The following NDUFA10 variants were observed in gnomAD, a reference collection of about 807,000 sequenced individuals.
The protein encoded by NDUFA10 is NADH:ubiquinone oxidoreductase subunit A10, also known as NADH dehydrogenase [ubiquinone] 1 alpha subcomplex subunit 10, mitochondrial.
A neutral mutation model predicts 47.8 loss-of-function variants in NDUFA10; 40 were observed. The ratio of observed to expected loss-of-function variants is 0.84; its 90% CI spans 0.65 to 1.09. The LOEUF is 1.09. Ranked by LOEUF, NDUFA10 falls within the 50% of genes least tolerant of loss-of-function variation. The pLI is 0.00. For synonymous variants in NDUFA10, 183 were observed against 172.2 expected, an observed-to-expected ratio of 1.06 and a Z score of -0.49; for missense variants, 413 against 451.1, an observed-to-expected ratio of 0.92 and a Z score of 0.76.
chr2:239,988,635 G>A lies in NDUFA10; in HGVS notation c.999+1439C>T, dbSNP rs181336752. Among the ~76,000 whole-genome samples the A allele has an allele frequency of 1.2e-4, 18 of 152,300 alleles. 1 individual carries two copies. The highest frequency in any genetic ancestry group is 3.9e-4 in the Admixed American group (6 of 15,298). On this transcript the variant is annotated intron_variant, in intron 9 of 9. Coordinates refer to ENST00000252711, the MANE Select transcript of NDUFA10 (RefSeq NM_004544.4). ...AGCCTGGAGGTCAACAGGAAGAAGC[G>A]AAGCCACTTGTGAAACAGACGCAAC...
chr2:239,927,446 C>T (rs1390256094), intron 4 of NDUFA10, among the ~76,000 whole-genome samples: 2 of 152,118 alleles, frequency 1.3e-5, no homozygotes, highest in Non-Finnish European at 2.9e-5. Flanking sequence ...ATAAAGTCTG[C>T]AGCAGTGCAC....
rs1277774775 is a variant in NDUFA10 at position 239,945,575 on chromosome 2, G to A, written c.294+44499C>T. Among the ~76,000 whole-genome samples the A allele has an allele frequency of 1.3e-5, 2 of 152,158 alleles. No homozygotes were observed. Among genetic ancestry groups the A allele is most frequent in the African/African-American group, 2.4e-5 (1 of 41,448 alleles). On this transcript the variant is annotated intron_variant, in intron 4 of 5. Coordinates refer to the NDUFA10 transcript ENST00000419408. The surrounding 1 kb of genome is among the most constrained non-coding windows in gnomAD (Gnocchi z 4.6). ...CCAGGCTGGGAGGATCCTGGGGGCTGAGGCTCCCTCCAGGGAGGACTTGGC... is the reference window on the plus strand; with the variant it reads ...CCAGGCTGGGAGGATCCTGGGGGCTAAGGCTCCCTCCAGGGAGGACTTGGC...
chr2:239,997,443 G>A (rs936084913), intron 8 of NDUFA10, among the ~76,000 whole-genome samples: 3 of 152,164 alleles, frequency 2.0e-5, no homozygotes, highest in African/African-American at 7.2e-5. Flanking sequence ...TATCAGAATC[G>A]AAAGTTTTTG....
At chr2:239,934,596 T>C (rs1203374186) in intron 4 of NDUFA10, among the ~76,000 whole-genome samples, 2 of 152,196 alleles carry the variant, frequency 1.3e-5, no homozygotes, top group African/African-American at 4.8e-5. Flanking sequence ...CATTTATCCC[T>C]GTTTTGTACT....
At chr2:239,956,995 G>A (rs536404697), downstream of NDUFA10, among the ~76,000 whole-genome samples, 676 of 152,162 alleles carry the variant, frequency 4.4e-3, 2 homozygotes, top group Non-Finnish European at 7.2e-3. Flanking sequence ...TCCTTCCCTC[G>A]CCTCCCAGGC....
chr2:240,002,214 C>G (rs1343753205), intron 8 of NDUFA10, among the ~76,000 whole-genome samples: 2 of 151,652 alleles, frequency 1.3e-5, no homozygotes, highest in Non-Finnish European at 1.5e-5. Flanking sequence ...GCCTATAATC[C>G]CATCTACTCA....
chr2:239,905,028 T>A (rs1330169744), intron 4 of NDUFA10, among the ~76,000 whole-genome samples: 1 of 152,212 alleles, frequency 6.6e-6, no homozygotes, highest in Non-Finnish European at 1.5e-5. Context: ...TCAAAACCTT[T>A]AACTGAGCTA....
At chr2:239,942,615 G>A (rs144413136) in intron 4 of NDUFA10, among the ~76,000 whole-genome samples, 2 of 152,196 alleles carry the variant, frequency 1.3e-5, no homozygotes, top group African/African-American at 4.8e-5. Flanking sequence ...GCAAAGCACA[G>A]GAATATTTTT....
intron 9 of NDUFA10, among the ~76,000 whole-genome samples, chr2:239,980,410 C>A (rs908294929): frequency 2.6e-5 from 4 of 152,170 alleles, no homozygotes; most frequent in African/African-American, 4.8e-5. Context: ...AATTAAAAGG[C>A]AAGAATTCTT....
At chr2:239,957,370 A>G (rs1479088253), downstream of NDUFA10, 1 of 152,226 alleles carries the variant, frequency 6.6e-6, no homozygotes, top group Admixed American at 6.5e-5. Context: ...CACCAGGTAT[A>G]GTCTCATTAA....
intron 9 of NDUFA10, among the ~76,000 whole-genome samples, chr2:239,985,115 T>C (rs994957350): frequency 6.6e-6 from 1 of 152,046 alleles, no homozygotes; most frequent in African/African-American, 2.4e-5. Flanking sequence ...ATGACTGCCA[T>C]TGGAAAACAA....
At chr2:239,896,899 C>A (rs1231963289) in intron 4 of NDUFA10, among the ~76,000 whole-genome samples, 1 of 152,172 alleles carries the variant, frequency 6.6e-6, no homozygotes, top group Non-Finnish European at 1.5e-5. Flanking sequence ...AGAGGTTCAT[C>A]ATTTTATTCT....
chr2:239,956,332 G>A (rs1176380128), downstream of NDUFA10, among the ~76,000 whole-genome samples: 2 of 152,208 alleles, frequency 1.3e-5, no homozygotes, highest in Non-Finnish European at 2.9e-5. Context: ...CGTCACACAC[G>A]GGATGAGGCC....
chr2:239,949,490 A>G (rs1451923307), intron 4 of NDUFA10, among the ~76,000 whole-genome samples: 1 of 152,116 alleles, frequency 6.6e-6, no homozygotes, highest in Non-Finnish European at 1.5e-5. Context: ...GGAAGAAAGA[A>G]TTCCCACTCT....
chr2:239,958,970 T>C lies in NDUFA10; in HGVS notation c.*2148A>G. On this transcript the variant is annotated 3_prime_UTR_variant, in exon 10 of 10. Transcript: ENST00000252711. ...GTTGTTTTAGTTGTAAGAGCTTTCG[T>C]GAGACGAACGCATGTACTGCTCTGA... 1.0e-6 allele frequency: 1 copy of C among 985,454 alleles called. No homozygotes were observed. The highest frequency in any genetic ancestry group is 1.2e-6 in the Non-Finnish European group (1 of 829,948). 61.0% of individuals were successfully genotyped at this position (985,454 alleles called of 1,614,324 possible).
chr2:239,998,444 G>A (rs780970389), intron 8 of NDUFA10, among the ~76,000 whole-genome samples: 3 of 152,164 alleles, frequency 2.0e-5, no homozygotes, highest in Non-Finnish European at 4.4e-5. Context: ...CAGCTCTTGC[G>A]CTCTCAGAAA....
rs553811976 is a variant in NDUFA10, at chr2:239,913,633, C to T, written c.295-18319G>A. 3.3e-5 allele frequency among the ~76,000 whole-genome samples: 5 copies of T among 152,364 alleles called. No homozygotes were observed. The South Asian group carries it at 8.3e-4, about 25-fold the overall frequency. On this transcript the variant is annotated intron_variant, in intron 4 of 5. Transcript: ENST00000419408. ...GGCAGGGTCCTTTCCTGCATGTATG[C>T]GTCAGGCTCACGTCTGTGCAGGCCT...
In NDUFA10 at chr2:239,914,110, C is replaced by T. The variant is rs116406269; in HGVS notation, c.295-18796G>A. Reference sequence around the variant, plus strand: ...GGAGAAACGGAGTTCACAGGCAACACACACAGACACACACAAATATACAGA... The same window carrying T: ...GGAGAAACGGAGTTCACAGGCAACATACACAGACACACACAAATATACAGA... On this transcript the variant is annotated intron_variant, in intron 4 of 5. Transcript: ENST00000419408. Among the ~76,000 whole-genome samples the T allele has an allele frequency of 4.0e-3, 614 of 152,292 alleles. 4 individuals are homozygous for T. Among genetic ancestry groups the T allele is most frequent in the East Asian group, 0.018 (94 of 5,186 alleles).
chr2:239,916,338 C>T (rs76121994), intron 4 of NDUFA10, among the ~76,000 whole-genome samples: 13,580 of 150,802 alleles, frequency 0.09, 657 homozygotes, highest in Admixed American at 0.13. Flanking sequence ...CACACATGCA[C>T]AGAACACACA....
Sources: gnomAD v4.1 joint callset for allele counts (sites outside exome capture counted in the v4.1 genomes callset) on GRCh38, gnomAD v4.1.1 for gene constraint, Gnocchi (gnomAD v3.1) non-coding constraint, MANE v1.5 for transcripts, NCBI Gene and HGNC (gene_info 2026-07-23, HGNC 2026-07-21) for gene names.